UNC5C: variants seen among roughly 807,000 people sequenced by gnomAD.
UNC5C encodes unc-5 netrin receptor C.
A neutral mutation model predicts 99.8 loss-of-function variants in UNC5C; 47 were observed. The observed-to-expected ratio is 0.47, with a 90% CI of 0.37 to 0.60. UNC5C has a LOEUF of 0.60. UNC5C is among the 20% of genes least tolerant of loss of function. The pLI is 0.00. For missense variants in UNC5C, 1,062 were observed against 1,165.9 expected (o/e 0.91, Z 1.30); for synonymous variants, 487 against 452.2 (o/e 1.08, Z -0.98).
At chr4:95,393,928 T>C (rs1745435878) in intron 1 of UNC5C, among the ~76,000 whole-genome samples, 1 of 152,052 alleles carries the variant, frequency 6.6e-6, no homozygotes, top group Admixed American at 6.5e-5. Flanking sequence ...GTTTTGAATT[T>C]AAACAAGATT....
At chr4:95,523,148 AG>A (rs1722403812) in intron 1 of UNC5C, among the ~76,000 whole-genome samples, 3 of 152,192 alleles carry the variant, frequency 2.0e-5, no homozygotes, top group African/African-American at 4.8e-5. Flanking sequence ...TCTCCACCAG[AG>A]GCAAGCTTCA....
At position 95,206,679 on chromosome 4, in the gene UNC5C, G is replaced by T. The variant is rs138934488; in HGVS notation, c.1851C>A (p.Thr617=). ...LTMHHCADPN[T]EDWKILLKNQ... ...TCTTGAGCAGTATTTTCCAGTCCTC[G>T]GTATTGGGGTCTGCGCAGTGATGCA... Residue 617 remains threonine (T), a synonymous_variant, in exon 11 of 16, where the codon ACC becomes ACA. Coordinates refer to ENST00000453304, the MANE Select transcript of UNC5C (RefSeq NM_003728.4). 2 of 1,613,970 alleles carry T rather than the reference G, an allele frequency of 1.2e-6. No individual in the cohort carries two copies. The highest frequency in any genetic ancestry group is 2.7e-5 in the African/African-American group (2 of 74,892).
chr4:95,331,978 A>C (rs1302054811), intron 2 of UNC5C, among the ~76,000 whole-genome samples: 1 of 152,112 alleles, frequency 6.6e-6, no homozygotes, highest in East Asian at 1.9e-4. Context: ...CAATTGCTTC[A>C]AAGAGAATAA....
chr4:95,233,215 A>G (rs1248352217), intron 7 of UNC5C, among the ~76,000 whole-genome samples: 2 of 152,196 alleles, frequency 1.3e-5, no homozygotes, highest in African/African-American at 2.4e-5. Context: ...TTTTTTAATG[A>G]GTTGAAAGTG....
intron 1 of UNC5C, among the ~76,000 whole-genome samples, chr4:95,392,114 T>TG (rs1441506894): frequency 6.6e-6 from 1 of 152,116 alleles, no homozygotes; most frequent in Non-Finnish European, 1.5e-5. Context: ...AACAAATGAG[T>TG]ATTTTTTACA....
intron 1 of UNC5C, among the ~76,000 whole-genome samples, chr4:95,519,393 C>T (rs1722294518): frequency 6.6e-6 from 1 of 152,068 alleles, no homozygotes; most frequent in Non-Finnish European, 1.5e-5. Context: ...TGATGTTCCC[C>T]CTTAAGAGAC....
At chr4:95,532,537 T>C (rs1722676613) in intron 1 of UNC5C, among the ~76,000 whole-genome samples, 3 of 151,486 alleles carry the variant, frequency 2.0e-5, no homozygotes, top group Non-Finnish European at 4.4e-5. Flanking sequence ...ACTCATCAAT[T>C]CCTGTACTCA....
At chr4:95,319,510 C>T (rs773910756) in intron 2 of UNC5C, among the ~76,000 whole-genome samples, 2 of 152,036 alleles carry the variant, frequency 1.3e-5, no homozygotes, top group Non-Finnish European at 2.9e-5. Flanking sequence ...TTTGCCAGAC[C>T]CTGATAGTTG....
Position 95,219,081 on chromosome 4 carries a change from C to G in UNC5C, c.1533G>C (p.Glu511Asp). ...GGTTCTTCAGGCTGAGGGCTTCATT[C>G]TCCAACAACGACTGGGTCATCTGAG... Reference protein sequence around the residue: ...LSPQMTQSLLENEALSLKNQS... With the variant: ...LSPQMTQSLLDNEALSLKNQS... The change falls in exon 9 of 16, where the codon GAG (glutamate) becomes GAC (aspartate). Residue 511 changes from glutamate (E) to aspartate (D), a missense_variant. Physicochemically the swap from Glu to Asp is conservative, Grantham distance 45. Around this residue, in one of 3 missense-constraint regions of UNC5C, gnomAD observed 810 missense variants for 854.5 expected, o/e 0.95. Coordinates refer to ENST00000453304, the MANE Select transcript of UNC5C (RefSeq NM_003728.4). 6.2e-7 allele frequency: 1 copy of G among 1,614,152 alleles called. No homozygotes were observed. The highest frequency in any genetic ancestry group is 8.5e-7 in the Non-Finnish European group (1 of 1,180,016).
chr4:95,294,080 T>A (rs935254873), intron 3 of UNC5C, among the ~76,000 whole-genome samples: 2 of 152,196 alleles, frequency 1.3e-5, no homozygotes, highest in Non-Finnish European at 2.9e-5. Context: ...CATAAATACT[T>A]GTTGATATTG....
chr4:95,381,122 A>G (rs886533641), intron 1 of UNC5C, among the ~76,000 whole-genome samples: 6 of 152,230 alleles, frequency 3.9e-5, no homozygotes. Flanking sequence ...TTTTAGAAAC[A>G]TATACTTAAA....
At chr4:95,306,935 C>T (rs72676412) in intron 2 of UNC5C, among the ~76,000 whole-genome samples, 3,685 of 152,238 alleles carry the variant, frequency 0.024, 57 homozygotes, top group Non-Finnish European at 0.039. Context: ...GTTCTTTCTT[C>T]CAGTGCTTCA....
At chr4:95,466,418 GA>G (rs1192298836) in intron 1 of UNC5C, among the ~76,000 whole-genome samples, 1 of 152,090 alleles carries the variant, frequency 6.6e-6, no homozygotes, top group Non-Finnish European at 1.5e-5. Flanking sequence ...CAGTAATTAA[GA>G]GATAAATTAT....
At chr4:95,340,870 T>C (rs1273799345) in intron 1 of UNC5C, among the ~76,000 whole-genome samples, 1 of 152,138 alleles carries the variant, frequency 6.6e-6, no homozygotes, top group East Asian at 1.9e-4. Flanking sequence ...TGCCATGTAG[T>C]CTACAGTGTA....
At chr4:95,353,721 A>C (rs1179365458) in intron 1 of UNC5C, among the ~76,000 whole-genome samples, 1 of 152,072 alleles carries the variant, frequency 6.6e-6, no homozygotes, top group African/African-American at 2.4e-5. Flanking sequence ...AAGAAAACTT[A>C]GTTGATGTGG....
At chr4:95,408,519 G>A (rs1047575540) in intron 1 of UNC5C, among the ~76,000 whole-genome samples, 1 of 152,076 alleles carries the variant, frequency 6.6e-6, no homozygotes, top group Admixed American at 6.6e-5. Flanking sequence ...AGATTTCTAA[G>A]GGAAATCTTC....
In UNC5C at chr4:95,242,426, T is replaced by C. The variant is rs763117127; in HGVS notation, c.1108+3A>G. The C allele has an allele frequency of 4.6e-5, 74 of 1,614,044 alleles. No individual in the cohort carries two copies. The highest frequency in any genetic ancestry group is 6.1e-5 in the Non-Finnish European group (72 of 1,180,010). ...TGTCTGCAGTTTGCTTAAATTGACT[T>C]ACTCTGCATGCAAAGCCCATCAGTG... is the stretch of plus-strand genomic sequence containing the variant. On this transcript the variant is annotated splice_donor_region_variant and intron_variant, in intron 7 of 15. Coordinates refer to ENST00000453304, the MANE Select transcript of UNC5C (RefSeq NM_003728.4).
intron 4 of UNC5C, among the ~76,000 whole-genome samples, chr4:95,269,667 G>A (rs905328849): frequency 6.6e-6 from 1 of 151,846 alleles, no homozygotes; most frequent in South Asian, 2.1e-4. Context: ...TCGTGTTGAT[G>A]TAGATAATCT....
At chr4:95,202,016 G>A (rs1041199778) in intron 12 of UNC5C, among the ~76,000 whole-genome samples, 2 of 152,014 alleles carry the variant, frequency 1.3e-5, no homozygotes, top group Admixed American at 6.6e-5. Context: ...CTCCATTAGG[G>A]CCAATCATCA....
Sources: gnomAD v4.1 joint callset for allele counts (sites outside exome capture counted in the v4.1 genomes callset) on GRCh38, gnomAD v4.1.1 for gene constraint, gnomAD v4.1.1 regional missense constraint, MANE v1.5 for transcripts, NCBI Gene and HGNC (gene_info 2026-07-23, HGNC 2026-07-21) for gene names.